Variants in KIAA1958 observed in about 807,000 individuals in gnomAD.
The protein encoded by KIAA1958 is KIAA1958, also known as uncharacterized protein KIAA1958.
Under a neutral mutation model 47.2 loss-of-function variants are expected in KIAA1958, and 14 were observed. The observed-to-expected ratio is 0.30, with a 90% CI of 0.20 to 0.46. KIAA1958 has a LOEUF of 0.46. Ranked by LOEUF, KIAA1958 falls within the 20% of genes least tolerant of loss-of-function variation. The pLI is 1.00. For missense variants in KIAA1958, 803 were observed against 909.2 expected (o/e 0.88, Z 1.50); for synonymous variants, 354 against 353.3 (o/e 1.00, Z -0.02).
At chr9:112,593,343 G>T (rs1038880068) in intron 2 of KIAA1958, among the ~76,000 whole-genome samples, 7 of 152,040 alleles carry the variant, frequency 4.6e-5, no homozygotes, top group African/African-American at 1.2e-4. Flanking sequence ...ACCAGTTCCC[G>T]GCCACGAACT....
chr9:112,535,355 G>C lies in KIAA1958; in HGVS notation c.-24-38702G>C, dbSNP rs541132625. ...ATGTGGTATTTGTCTTTTTGTGCCT[G>C]TCTTCTTTTAACTAGCATAATGTTT... is the stretch of plus-strand genomic sequence containing the variant. On this transcript the variant is annotated intron_variant, in intron 1 of 3. Transcript: ENST00000337530. Among the ~76,000 whole-genome samples the C allele has an allele frequency of 4.9e-4, 74 of 152,198 alleles. 1 individual carries two copies. Among genetic ancestry groups the C allele is most frequent in the African/African-American group, 1.7e-3 (70 of 41,504 alleles).
chr9:112,532,263 T>C (rs1834762996), intron 1 of KIAA1958, among the ~76,000 whole-genome samples: 1 of 152,220 alleles, frequency 6.6e-6, no homozygotes, highest in African/African-American at 2.4e-5. Context: ...TCAAATAATT[T>C]GCAAGAGTAG....
chr9:112,554,412 C>T (rs545842704), intron 1 of KIAA1958, among the ~76,000 whole-genome samples: 1 of 152,088 alleles, frequency 6.6e-6, no homozygotes, highest in East Asian at 1.9e-4. Flanking sequence ...GCAGGAGAAT[C>T]GCTTGAACCC....
intron 1 of KIAA1958, among the ~76,000 whole-genome samples, chr9:112,523,308 G>A (rs1195795554): frequency 2.6e-5 from 4 of 152,044 alleles, no homozygotes; most frequent in African/African-American, 4.8e-5. Context: ...AAAATTAGCC[G>A]GGCGTGGTGA....
intron 2 of KIAA1958, among the ~76,000 whole-genome samples, chr9:112,636,480 A>G (rs1836806323): frequency 6.6e-6 from 1 of 152,116 alleles, no homozygotes; most frequent in Non-Finnish European, 1.5e-5. Context: ...AAGATGGGTT[A>G]AAATCTCTTA....
intron 1 of KIAA1958, among the ~76,000 whole-genome samples, chr9:112,534,549 CTTTTTTT>C (rs113955860): frequency 1.4e-5 from 2 of 143,836 alleles, no homozygotes; most frequent in Non-Finnish European, 3.1e-5. Context: ...TTTCTTTTTT[CTTTTTTT>C]TTTTGAGATG....
chr9:112,655,283 G>A lies in KIAA1958; in HGVS notation c.1345-3980G>A, dbSNP rs537021557. ...ATATTTATGAAGATGGAGTCATTTT[G>A]TGTTCACTTCAGGAATCAAACACTT... On this transcript the variant is annotated intron_variant, in intron 3 of 3. Transcript: ENST00000337530. 5.3e-5 allele frequency among the ~76,000 whole-genome samples: 8 copies of A among 152,182 alleles called. No individual in the cohort carries two copies. In the South Asian group the frequency reaches 1.2e-3, roughly 24 times the overall value.
rs1204646560 is a variant in KIAA1958, at chr9:112,618,819, A to G, written c.1172-26831A>G. ...AACCAGCTCGTGCTGATCTGTAACA[A>G]TCTGAGCCAGCAGGCTGCCCAGTCA... is the stretch of plus-strand genomic sequence containing the variant. On this transcript the variant is annotated intron_variant, in intron 2 of 3. Coordinates refer to ENST00000337530, the MANE Select transcript of KIAA1958 (RefSeq NM_133465.4). This position sits in a 1 kb window ranked among gnomAD's most constrained non-coding sequence, Gnocchi z 7.1. The G allele has an allele frequency of 1.4e-5, 22 of 1,550,478 alleles. No individual in the cohort carries two copies. The highest frequency in any genetic ancestry group is 1.7e-4 in the Middle Eastern group (1 of 6,014).
intron 1 of KIAA1958, among the ~76,000 whole-genome samples, chr9:112,501,278 A>G (rs1395207569): frequency 6.6e-6 from 1 of 151,070 alleles, no homozygotes; most frequent in African/African-American, 2.4e-5. Context: ...TGTCTTTACA[A>G]AAAAAAAAGA....
intron 1 of KIAA1958, among the ~76,000 whole-genome samples, chr9:112,553,670 A>G (rs1387372291): frequency 6.6e-6 from 1 of 152,176 alleles, no homozygotes; most frequent in Non-Finnish European, 1.5e-5. Context: ...TTTATTGTTA[A>G]TTTCTCAGGG....
At chr9:112,640,431 A>C (rs1484092732) in intron 2 of KIAA1958, among the ~76,000 whole-genome samples, 1 of 152,172 alleles carries the variant, frequency 6.6e-6, no homozygotes, top group East Asian at 1.9e-4. Context: ...ATGTGGCTTA[A>C]GATCAGCAAT....
At chr9:112,513,480 C>CGGTGGCTTAGGGAGCCCGTACGGCCAT (rs1554720343) in intron 1 of KIAA1958, among the ~76,000 whole-genome samples, 1 of 57,972 alleles carries the variant, frequency 1.7e-5, no homozygotes, top group Non-Finnish European at 3.2e-5. Flanking sequence ...GGGCTGGGGT[C>CGGTGGCTTAGGGAGCCCGTACGGCCAT]GGTGGCCGCG....
At chr9:112,489,343 A>G (rs1292668825) in intron 1 of KIAA1958, among the ~76,000 whole-genome samples, 1 of 152,234 alleles carries the variant, frequency 6.6e-6, no homozygotes, top group Non-Finnish European at 1.5e-5. Flanking sequence ...CTGTGTAGCT[A>G]AGCATCGAGT....
At chr9:112,534,282 A>G (rs1834814767) in intron 1 of KIAA1958, among the ~76,000 whole-genome samples, 1 of 152,226 alleles carries the variant, frequency 6.6e-6, no homozygotes, top group Non-Finnish European at 1.5e-5. Flanking sequence ...TAGCAGAGGC[A>G]TGTCAGAATG....
intron 2 of KIAA1958, among the ~76,000 whole-genome samples, chr9:112,632,790 C>T: frequency 6.6e-6 from 1 of 151,840 alleles, no homozygotes; most frequent in Non-Finnish European, 1.5e-5. Context: ...CAGGATTTTC[C>T]AAATTTTTTC....
At chr9:112,628,430 A>G (rs1205597293) in intron 2 of KIAA1958, among the ~76,000 whole-genome samples, 1 of 152,220 alleles carries the variant, frequency 6.6e-6, no homozygotes, top group Non-Finnish European at 1.5e-5. Context: ...AATATGCTGT[A>G]GACATTTGCC....
chr9:112,522,630 TG>T (rs1240726532), intron 1 of KIAA1958, among the ~76,000 whole-genome samples: 1 of 152,232 alleles, frequency 6.6e-6, no homozygotes, highest in Non-Finnish European at 1.5e-5. Flanking sequence ...GCTTTGACCT[TG>T]GGTCCTGACC....
intron 2 of KIAA1958, among the ~76,000 whole-genome samples, chr9:112,577,930 G>A (rs1255874043): frequency 3.3e-5 from 5 of 152,084 alleles, no homozygotes; most frequent in African/African-American, 1.2e-4. Context: ...TTGTGATTTG[G>A]CTTTATTCTC....
At chr9:112,617,971 C>T in intron 2 of KIAA1958, 1 of 1,550,564 alleles carries the variant, frequency 6.4e-7, no homozygotes, top group Non-Finnish European at 8.7e-7. Flanking sequence ...TCCTCATCTC[C>T]AAGTATCCTT....
Sources: gnomAD v4.1 joint callset for allele counts (sites outside exome capture counted in the v4.1 genomes callset) on GRCh38, gnomAD v4.1.1 for gene constraint, Gnocchi (gnomAD v3.1) non-coding constraint, MANE v1.5 for transcripts, NCBI Gene and HGNC (gene_info 2026-07-23, HGNC 2026-07-21) for gene names.